The following KBTBD2 variants were observed in gnomAD, a reference collection of about 807,000 sequenced individuals.
KBTBD2 encodes kelch repeat and BTB domain containing 2.
KBTBD2 carries 17 observed loss-of-function variants against 57.1 expected under a neutral mutation model. That is an observed-to-expected ratio of 0.30 (90% CI 0.20 to 0.45). The LOEUF is 0.45. Ranked by LOEUF, KBTBD2 falls within the 20% of genes least tolerant of loss-of-function variation. The pLI is 1.00. For synonymous variants in KBTBD2, 267 were observed against 262.7 expected (o/e 1.02, Z -0.16); for missense variants, 515 against 750.6 (o/e 0.69, Z 3.67).
chr7:32,879,390 A>G (rs1784395143), intron 2 of KBTBD2, 45 bp downstream of exon 2: 1 of 1,419,832 alleles, frequency 7.0e-7, no homozygotes, highest in Non-Finnish European at 9.6e-7. Flanking sequence ...AAAAAATTAA[A>G]TAACATTTCA....
chr7:32,885,527 ATACT>A (rs1784557175), intron 1 of KBTBD2, among the ~76,000 whole-genome samples: 1 of 151,768 alleles, frequency 6.6e-6, no homozygotes, highest in African/African-American at 2.4e-5. Context: ...AAAAAAATCC[ATACT>A]GAGAAAAAGC....
chr7:32,875,232 G>T, intron 2 of KBTBD2, 75 bp from the exon 3 acceptor site: 1 of 1,283,982 alleles, frequency 7.8e-7, no homozygotes, highest in South Asian at 1.3e-5. Context: ...AGAACAATTA[G>T]ACAATAAGAG....
At chr7:32,877,875 G>A (rs1047917301) in intron 2 of KBTBD2, among the ~76,000 whole-genome samples, 3 of 151,786 alleles carry the variant, frequency 2.0e-5, no homozygotes, top group African/African-American at 4.8e-5. Flanking sequence ...TTGGGAGGCC[G>A]AGGCGGGTGG....
chr7:32,870,947 A>G, intron 3 of KBTBD2, 67 bp from the exon 4 acceptor site: 1 of 908,682 alleles, frequency 1.1e-6, no homozygotes, highest in Non-Finnish European at 1.6e-6. Flanking sequence ...CTTTTATGTA[A>G]GACGTAAGTA....
At position 32,879,890 on chromosome 7, in the gene KBTBD2, C is replaced by A; in HGVS notation, c.-286G>T. On this transcript the variant is annotated 5_prime_UTR_variant, in exon 2 of 4. Coordinates refer to ENST00000304056, the MANE Select transcript of KBTBD2 (RefSeq NM_015483.3). ...AGCTCATGAGTGAAAGAGAAAAATA[C>A]ACGAGGTAGATTTTGTGGCAACATC... 1 of 305,576 alleles carries A rather than the reference C, an allele frequency of 3.3e-6. No homozygotes were observed. Among genetic ancestry groups the A allele is most frequent in the African/African-American group, 2.2e-5 (1 of 45,168 alleles). 18.9% of individuals were successfully genotyped at this position (305,576 alleles called of 1,614,324 possible). A position where few individuals can be genotyped will look rare whatever the true frequency, so the allele number is the denominator to read the frequency against.
rs1018516202 is a variant in KBTBD2, at chr7:32,891,697, C to T, written c.-500G>A. ...AGGAAGGCTGGCGCCGCCGCCTCTT[C>T]CTTCCGGTTTCCCCTCGCACCCTCC... On this transcript the variant is annotated 5_prime_UTR_variant, in exon 1 of 4. Coordinates refer to ENST00000304056, the MANE Select transcript of KBTBD2 (RefSeq NM_015483.3). 9 of 151,656 alleles carry T rather than the reference C, an allele frequency of 5.9e-5. No individual in the cohort carries two copies. The highest frequency in any genetic ancestry group is 1.9e-4 in the African/African-American group (8 of 41,324). 9.4% of individuals were successfully genotyped at this position (151,656 alleles called of 1,614,324 possible). A position where few individuals can be genotyped will look rare whatever the true frequency, so the allele number is the denominator to read the frequency against.
chr7:32,886,326 T>C (rs1784580937), intron 1 of KBTBD2, among the ~76,000 whole-genome samples: 1 of 152,232 alleles, frequency 6.6e-6, no homozygotes, highest in South Asian at 2.1e-4. Context: ...ATGCTTCTAA[T>C]ACATTTTCTC....
At chr7:32,889,606 AT>A (rs1463175299) in intron 1 of KBTBD2, among the ~76,000 whole-genome samples, 31 of 151,758 alleles carry the variant, frequency 2.0e-4, no homozygotes, top group Non-Finnish European at 4.1e-4. Flanking sequence ...TCAAAAAAAA[AT>A]TACTTGAGAT....
At position 32,879,702 on chromosome 7, in the gene KBTBD2, T is replaced by C; in HGVS notation, c.-98A>G. On this transcript the variant is annotated 5_prime_UTR_variant, in exon 2 of 4. Coordinates refer to ENST00000304056, the MANE Select transcript of KBTBD2 (RefSeq NM_015483.3). ...CTTCAGAAATAAAGGAGAACCTACT[T>C]GCTGTTATCTGCAGCATTCAGTACC... is the stretch of plus-strand genomic sequence containing the variant. The C allele has an allele frequency of 1.1e-6, 1 of 903,200 alleles. No homozygotes were observed. The highest frequency in any genetic ancestry group is 1.7e-6 in the Non-Finnish European group (1 of 578,974). The allele number at this position is 903,200 out of a possible 1,614,324, so 55.9% of individuals were successfully genotyped here.
chr7:32,884,976 G>GTGTATATATATATACACATATGTGTATA (rs1330517519), intron 1 of KBTBD2, among the ~76,000 whole-genome samples: 1 of 130,076 alleles, frequency 7.7e-6, no homozygotes, highest in African/African-American at 3.1e-5. Flanking sequence ...GTATGTGTGT[G>GTGTATATATATATACACATATGTGTATA]TATATATATA....
At chr7:32,882,433 C>T (rs1358120174) in intron 1 of KBTBD2, among the ~76,000 whole-genome samples, 4 of 152,132 alleles carry the variant, frequency 2.6e-5, no homozygotes, top group Non-Finnish European at 2.9e-5. Context: ...GCCTCATTTA[C>T]GACTGGGTTT....
chr7:32,876,037 C>T (rs1209355066), intron 2 of KBTBD2, among the ~76,000 whole-genome samples: 1 of 152,056 alleles, frequency 6.6e-6, no homozygotes, highest in Non-Finnish European at 1.5e-5. Flanking sequence ...AATTACATCT[C>T]AATAAAGCTG....
At chr7:32,880,799 A>C (rs567526045) in intron 1 of KBTBD2, among the ~76,000 whole-genome samples, 1 of 152,332 alleles carries the variant, frequency 6.6e-6, no homozygotes, top group South Asian at 2.1e-4. Context: ...AACCAAGTAC[A>C]CATAAGAAAC....
In KBTBD2 at chr7:32,885,302, G is replaced by A. The variant is rs538056753; in HGVS notation, c.-338-5360C>T. Among the ~76,000 whole-genome samples, 9 of 151,618 alleles carry A rather than the reference G, an allele frequency of 5.9e-5. No homozygotes were observed. The South Asian group carries it at 8.3e-4, about 14-fold the overall frequency. The stretch of plus-strand genomic sequence containing the variant: ...AAGCACAAACTTTAAATTCCTGAAC[G>A]CGGAATTAAATATAATTCTTAATCT... On this transcript the variant is annotated intron_variant, in intron 1 of 3. Transcript: ENST00000304056.
At chr7:32,884,645 G>A (rs1478799247) in intron 1 of KBTBD2, among the ~76,000 whole-genome samples, 4 of 138,094 alleles carry the variant, frequency 2.9e-5, no homozygotes, top group South Asian at 2.3e-4. Flanking sequence ...AGCCGAGATC[G>A]CACCACTGCA....
intron 1 of KBTBD2, among the ~76,000 whole-genome samples, chr7:32,881,565 TAC>T (rs1181369266): frequency 1.3e-5 from 2 of 152,170 alleles, no homozygotes; most frequent in African/African-American, 4.8e-5. Context: ...TAACTTGATA[TAC>T]AGTCAAGTTT....
intron 3 of KBTBD2, among the ~76,000 whole-genome samples, chr7:32,871,898 T>A (rs1784188740): frequency 6.6e-6 from 1 of 152,152 alleles, no homozygotes; most frequent in African/African-American, 2.4e-5. Context: ...AGAAGTAGTA[T>A]ACGGTTTTCG....
At chr7:32,889,771 T>C (rs776998328) in intron 1 of KBTBD2, among the ~76,000 whole-genome samples, 2 of 152,218 alleles carry the variant, frequency 1.3e-5, no homozygotes, top group Admixed American at 1.3e-4. Context: ...TTACTTGTCT[T>C]AGGAATGTGG....
At chr7:32,886,473 ACT>A (rs1008423303) in intron 1 of KBTBD2, among the ~76,000 whole-genome samples, 1 of 151,990 alleles carries the variant, frequency 6.6e-6, no homozygotes, top group Non-Finnish European at 1.5e-5. Context: ...AAAATCTGAA[ACT>A]CTTCCCACAA....
Sources: gnomAD v4.1 joint callset for allele counts (sites outside exome capture counted in the v4.1 genomes callset) on GRCh38, gnomAD v4.1.1 for gene constraint, MANE v1.5 for transcripts, NCBI Gene and HGNC (gene_info 2026-07-23, HGNC 2026-07-21) for gene names.